CC2D1B: variants seen among roughly 807,000 people sequenced by gnomAD.
CC2D1B encodes coiled-coil and C2 domain containing 1B.
In CC2D1B, 92 loss-of-function variants were observed where a neutral mutation model predicts 110.8. That is an observed-to-expected ratio of 0.83 (90% CI 0.70 to 0.99). The LOEUF is 0.99. Ranked by LOEUF, CC2D1B falls within the 50% of genes least tolerant of loss-of-function variation. CC2D1B has a pLI of 0.00. For missense variants in CC2D1B, 1,136 were observed against 1,089.0 expected (o/e 1.04, Z -0.61); for synonymous variants, 406 against 429.2 (o/e 0.95, Z 0.67).
At chr1:52,355,748 A>G (rs1646635776) in intron 19 of CC2D1B, 23 bp downstream of exon 19, 1 of 1,613,672 alleles carries the variant, frequency 6.2e-7, no homozygotes, top group Admixed American at 1.7e-5. Flanking sequence ...AGCCTCCTGG[A>G]GTAGGGGCGG....
At chr1:52,361,252 A>AC in intron 4 of CC2D1B, 120 bp from the exon 5 acceptor site, 1 of 1,294,908 alleles carries the variant, frequency 7.7e-7, no homozygotes, top group Non-Finnish European at 1.1e-6. Flanking sequence ...ACTGTGCCTG[A>AC]GTCCCCTTCA....
Position 52,360,532 on chromosome 1 carries a change from C to A in CC2D1B, c.495G>T (p.Gly165=), listed in dbSNP as rs370277885. The change falls in exon 6 of 25, where the codon GGG becomes GGT. Residue 165 remains glycine (G), a synonymous_variant. Coordinates refer to ENST00000284376, the MANE Select transcript of CC2D1B (RefSeq NM_001330585.2). ...TCCGTTCCTCCAGCAAAGCGTGTAG[C>A]CCCTGAGATGCTCCGGCCTATGAAC... is the stretch of plus-strand genomic sequence containing the variant. ...APAAQAGASQ[G]LHALLEERIH... 2.5e-6 allele frequency: 4 copies of A among 1,613,996 alleles called. No homozygotes were observed. Among genetic ancestry groups the A allele is most frequent in the East Asian group, 2.2e-5 (1 of 44,898 alleles).
rs780066283 is a variant in CC2D1B at position 52,364,591 on chromosome 1, G to T, written c.30C>A (p.Gly10=). 6.2e-7 allele frequency: 1 copy of T among 1,607,716 alleles called. No individual in the cohort carries two copies. The highest frequency in any genetic ancestry group is 2.2e-5 in the East Asian group (1 of 44,690). The change falls in exon 2 of 25, where the codon GGC becomes GGA. Residue 10 remains glycine, a synonymous_variant. Coordinates refer to ENST00000284376, the MANE Select transcript of CC2D1B (RefSeq NM_001330585.2). ...CCACCCCTTGGCCTCTGGCCTGAGG[G>T]CCCTTCCGAGGTCTTGGCCCTGGCA... The part of the protein sequence containing the change: MMPGPRPRK[G]PQARGQGVAA...
Position 52,356,293 on chromosome 1 carries a change from C to T in CC2D1B, c.1947G>A (p.Lys649=), listed in dbSNP as rs1192498415. 1.2e-6 allele frequency: 2 copies of T among 1,614,204 alleles called. No homozygotes were observed. Among genetic ancestry groups the T allele is most frequent in the Admixed American group, 1.7e-5 (1 of 60,020 alleles). The change falls in exon 18 of 25, where the codon AAG becomes AAA. Residue 649 remains lysine, a synonymous_variant. Coordinates refer to ENST00000284376, the MANE Select transcript of CC2D1B (RefSeq NM_001330585.2). ...GCTGTTTCTTGCGGTCCTGAGCAAG[C>T]TTCTCAAATCTGACAGGGATGGGTA... ...GNVAETTRFE[K]LAQDRKKQLE...
rs1002303805 is a variant in CC2D1B, at chr1:52,361,551, C to T, written c.280G>A (p.Glu94Lys). 1.2e-6 allele frequency: 2 copies of T among 1,613,990 alleles called. No homozygotes were observed. Among genetic ancestry groups the T allele is most frequent in the Admixed American group, 3.3e-5 (2 of 60,020 alleles). The change falls in exon 4 of 25, where the codon GAG (glutamate) becomes AAG (lysine). Residue 94 changes from glutamate (E) to lysine (K), a missense_variant. By Grantham distance (56) the Glu-to-Lys change is moderately conservative. Transcript: ENST00000284376. ...ADCMRDVEEE[E>K]EEEGLEEDAE... is the part of the protein sequence containing the mutation. ...TCTTCCTCCAGCCCTTCCTCCTCCT[C>T]CTCCTCCTCCACATCCCGCATACAG...
chr1:52,357,088 G>T lies in CC2D1B; in HGVS notation c.1791C>A (p.Ile597=), dbSNP rs1488121986. The T allele has an allele frequency of 6.2e-7, 1 of 1,613,250 alleles. No homozygotes were observed. The highest frequency in any genetic ancestry group is 1.1e-5 in the South Asian group (1 of 90,868). The change falls in exon 16 of 25, where the codon ATC becomes ATA. Residue 597 remains isoleucine (I), a synonymous_variant. Coordinates refer to ENST00000284376, the MANE Select transcript of CC2D1B (RefSeq NM_001330585.2). ...SPLTDEEGDF[I]LIHHEDLRLS... ...GTCGCAGGTCCTCATGGTGGATGAGGATGAAGTCACCCTCCTCATCCGTCA... is the reference window on the plus strand; with the variant it reads ...GTCGCAGGTCCTCATGGTGGATGAGTATGAAGTCACCCTCCTCATCCGTCA...
At position 52,353,531 on chromosome 1, in the gene CC2D1B, G is replaced by A. The variant is rs1178262371; in HGVS notation, c.2547C>T (p.Pro849=). The A allele has an allele frequency of 6.2e-7, 1 of 1,613,202 alleles. No homozygotes were observed. The highest frequency in any genetic ancestry group is 1.1e-5 in the South Asian group (1 of 91,028). The change falls in exon 24 of 25, where the codon CCC becomes CCT. Residue 849 remains proline (P), a synonymous_variant. Transcript: ENST00000284376. ...AGAGCTGCCCACCTCACAAGCCCCT[G>A]GGCTCCAGAACCAGCCAGTTCTCAG... The part of the protein sequence containing the change: ...MVTENWLVLE[P]RGL
Position 52,361,121 on chromosome 1 carries a change from C to T in CC2D1B, c.330G>A (p.Gln110=), listed in dbSNP as rs780881996. The change falls in exon 5 of 25, where the codon CAG becomes CAA. Residue 110 remains glutamine, a synonymous_variant. Coordinates refer to ENST00000284376, the MANE Select transcript of CC2D1B (RefSeq NM_001330585.2). Reference sequence around the variant, plus strand: ...TCTCCTCGTCCACACCTAAGACCTCCTGCAGCTCCGTCTAGGGAGACAAAA... The same window carrying T: ...TCTCCTCGTCCACACCTAAGACCTCTTGCAGCTCCGTCTAGGGAGACAAAA... ...EEDAELLTEL[Q]EVLGVDEETE... 3.1e-6 allele frequency: 5 copies of T among 1,613,994 alleles called. No homozygotes were observed. In the African/African-American group the frequency reaches 6.7e-5, roughly 22 times the overall value.
intron 23 of CC2D1B, chr1:52,353,928 A>T (rs945158057): frequency 9.1e-6 from 3 of 329,102 alleles, no homozygotes; most frequent in Admixed American, 9.2e-5. Context: ...TGGAAGAAAC[A>T]TTGGCTTGAA....
chr1:52,358,053 T>C, intron 13 of CC2D1B, 155 bp from the exon 14 acceptor site: 1 of 1,175,262 alleles, frequency 8.5e-7, no homozygotes. Flanking sequence ...ATCTGAGAGC[T>C]AGAAGCAGCC....
chr1:52,358,492 G>A (rs1439478925), intron 12 of CC2D1B, 31 bp from the exon 13 acceptor site: 11 of 1,611,368 alleles, frequency 6.8e-6, no homozygotes, highest in Non-Finnish European at 8.5e-6. Context: ...GGGAGGGGCA[G>A]GGAGCAGCCT....
At chr1:52,358,126 C>A in intron 13 of CC2D1B, 1 of 908,880 alleles carries the variant, frequency 1.1e-6, no homozygotes, top group Non-Finnish European at 1.6e-6. Flanking sequence ...GGGGATGGAG[C>A]CGGGGCTCTG....
At chr1:52,354,069 C>T (rs201467373) in intron 23 of CC2D1B, among the ~76,000 whole-genome samples, 1 of 152,168 alleles carries the variant, frequency 6.6e-6, no homozygotes, top group East Asian at 1.9e-4. Context: ...ACGCTACTCC[C>T]TCTTTTGGGC....
chr1:52,364,822 T>C (rs894660557), intron 1 of CC2D1B, among the ~76,000 whole-genome samples, 188 bp from the exon 2 acceptor site: 2 of 152,174 alleles, frequency 1.3e-5, no homozygotes, highest in African/African-American at 4.8e-5. Context: ...CACCTGTTAA[T>C]GGGTTTACTG....
chr1:52,357,872 CACTGGGGCCTGT>C lies in CC2D1B; in HGVS notation c.1476_1487del (p.Gln493_Val496del), dbSNP rs1557546627. On this transcript the variant is annotated inframe_deletion, in exon 14 of 25. Transcript: ENST00000284376. ...CTGTGGGCCGTGCAGGTTTCTTGGC[CACTGGGGCCTGT>C]GCTGGGGGCTCACCCTGCAGGTGCC... 1.3e-6 allele frequency: 2 copies of C among 1,579,706 alleles called. No homozygotes were observed. Among genetic ancestry groups the C allele is most frequent in the Non-Finnish European group, 1.7e-6 (2 of 1,165,740 alleles).
At position 52,360,439 on chromosome 1, in the gene CC2D1B, G is replaced by A. The variant is rs369770592; in HGVS notation, c.588C>T (p.Cys196=). 12 of 1,613,510 alleles carry A rather than the reference G, an allele frequency of 7.4e-6. No homozygotes were observed. The highest frequency in any genetic ancestry group is 2.2e-5 in the East Asian group (1 of 44,890). ...CCCGACTCACCTTCAGGCCGCGCTC[G>A]CAGCGCCTGGCTTTGGCTGCTTCGC... The part of the protein sequence containing the change: ...EAGEAAKARR[C]ERGLKTLESQ... Residue 196 remains cysteine, a synonymous_variant, in exon 6 of 25, where the codon TGC becomes TGT. Coordinates refer to ENST00000284376, the MANE Select transcript of CC2D1B (RefSeq NM_001330585.2).
intron 15 of CC2D1B, 151 bp from the exon 16 acceptor site, chr1:52,357,277 A>G (rs543288781): frequency 2.9e-6 from 3 of 1,017,910 alleles, no homozygotes; most frequent in East Asian, 2.6e-5. Context: ...TCCCAAAATA[A>G]CACTCTTGCC....
At position 52,352,967 on chromosome 1, in the gene CC2D1B, T is replaced by C; in HGVS notation, c.*258A>G. 2.7e-6 allele frequency: 1 copy of C among 367,888 alleles called. No individual in the cohort carries two copies. The highest frequency in any genetic ancestry group is 2.1e-5 in the South Asian group (1 of 47,438). The allele number at this position is 367,888 out of a possible 1,614,324, so 22.8% of individuals were successfully genotyped here. A position where few individuals can be genotyped will look rare whatever the true frequency, so the allele number is the denominator to read the frequency against. On this transcript the variant is annotated 3_prime_UTR_variant, in exon 25 of 25. Transcript: ENST00000284376. Reference sequence around the variant, plus strand: ...ATGGTACAGAGGAATGGAAGTGTCCTTGCCCTCTTCCAGACTCGGGGCAGG... The same window carrying C: ...ATGGTACAGAGGAATGGAAGTGTCCCTGCCCTCTTCCAGACTCGGGGCAGG...
At position 52,365,698 on chromosome 1, in the gene CC2D1B, G is replaced by A. The variant is rs1646865807; in HGVS notation, c.-15+371C>T. ...CCCATTCTGGCACCAAAGGGGAGGT[G>A]CACAGAAGGTAGGGGGAAAAGGCAG... On this transcript the variant is annotated intron_variant, in intron 1 of 24. Coordinates refer to ENST00000284376, the MANE Select transcript of CC2D1B (RefSeq NM_001330585.2). Among the ~76,000 whole-genome samples the A allele has an allele frequency of 3.9e-5, 6 of 152,368 alleles. No individual in the cohort carries two copies. The South Asian group carries it at 1.2e-3, about 32-fold the overall frequency.
Sources: allele counts gnomAD v4.1 joint callset (sites outside exome capture counted in the v4.1 genomes callset), GRCh38; gene constraint gnomAD v4.1.1; transcripts MANE v1.5; gene names NCBI Gene and HGNC (gene_info 2026-07-23, HGNC 2026-07-21).